GABPA: variants seen among roughly 807,000 people sequenced by gnomAD.
The protein encoded by GABPA is GA-binding protein alpha chain.
GABPA carries 4 observed loss-of-function variants against 59.4 expected under a neutral mutation model. The observed-to-expected ratio is 0.07, with a 90% CI of 0.03 to 0.15. The LOEUF (loss-of-function observed/expected upper bound fraction) is 0.15, where lower values mean the gene tolerates loss of function less well. GABPA is among the 10% of genes least tolerant of loss of function. The probability of loss-of-function intolerance (pLI) is 1.00; values close to 1 mark genes in which losing one functional copy is unlikely to be tolerated. For missense variants in GABPA, 251 were observed against 543.8 expected, an observed-to-expected ratio of 0.46 and a Z score of 5.36; for synonymous variants, 164 against 183.1, an observed-to-expected ratio of 0.90 and a Z score of 0.84.
chr21:25,747,279 G>A (rs911979771), intron 3 of GABPA, among the ~76,000 whole-genome samples: 15 of 152,140 alleles, frequency 9.9e-5, no homozygotes, highest in African/African-American at 3.1e-4. Context: ...GTAAAATAAA[G>A]GAGAATCTGG....
At position 25,769,103 on chromosome 21, in the gene GABPA, G is replaced by A. The variant is rs563533466; in HGVS notation, c.1236G>A (p.Ala412=). ...AGACTCTTATTGGATACAGTGCAGCGGAGTTGAACCGTTTGGTCACAGAAT... is the reference window on the plus strand; with the variant it reads ...AGACTCTTATTGGATACAGTGCAGCAGAGTTGAACCGTTTGGTCACAGAAT... ...DLKTLIGYSA[A]ELNRLVTECE... Residue 412 remains alanine, a synonymous_variant, in exon 10 of 10, where the codon GCG becomes GCA. Coordinates refer to ENST00000400075, the MANE Select transcript of GABPA (RefSeq NM_002040.4). The A allele has an allele frequency of 2.7e-5, 43 of 1,613,288 alleles. No individual in the cohort carries two copies. The Admixed American group carries it at 2.7e-4, about 10-fold the overall frequency.
intron 9 of GABPA, among the ~76,000 whole-genome samples, chr21:25,766,040 G>A (rs573088744): frequency 7.9e-5 from 12 of 152,050 alleles, no homozygotes; most frequent in Admixed American, 7.2e-4. Flanking sequence ...TGACTCTAAA[G>A]TTACAGTAAT....
At chr21:25,749,596 C>CT (rs1366690895) in intron 4 of GABPA, among the ~76,000 whole-genome samples, 1 of 152,206 alleles carries the variant, frequency 6.6e-6, no homozygotes, top group Admixed American at 6.5e-5. Flanking sequence ...CTTTGGGAGG[C>CT]TGAGGTGGGC....
intron 7 of GABPA, among the ~76,000 whole-genome samples, chr21:25,763,838 A>G (rs752108398): frequency 2.6e-5 from 4 of 152,140 alleles, no homozygotes; most frequent in Non-Finnish European, 4.4e-5. Context: ...CAGATTCTCA[A>G]AGTGGTGGTG....
rs1024081271 is a variant in GABPA, at chr21:25,770,017, A to T, written c.*785A>T. The T allele has an allele frequency of 3.3e-5, 5 of 152,720 alleles. 1 individual carries two copies. The highest frequency in any genetic ancestry group is 7.2e-5 in the African/African-American group (3 of 41,586). 9.5% of individuals were successfully genotyped at this position (152,720 alleles called of 1,614,324 possible). On this transcript the variant is annotated 3_prime_UTR_variant, in exon 10 of 10. Transcript: ENST00000400075. ...TCTCTGTTTTTCCTGTCAGAGATTT[A>T]AAAAACTGAAAAGGTATACCTCAAC...
intron 9 of GABPA, among the ~76,000 whole-genome samples, chr21:25,766,169 T>C (rs908303610): frequency 1.3e-5 from 2 of 151,944 alleles, no homozygotes; most frequent in Non-Finnish European, 2.9e-5. Context: ...AGAAAACATA[T>C]GAGGAAACGA....
At chr21:25,767,316 C>T (rs984924261) in intron 9 of GABPA, among the ~76,000 whole-genome samples, 2 of 151,326 alleles carry the variant, frequency 1.3e-5, no homozygotes, top group Non-Finnish European at 3.0e-5. Flanking sequence ...CTTCTGTGTC[C>T]TTTTGTTTGT....
At chr21:25,744,110 G>A (rs1215383015) in intron 2 of GABPA, among the ~76,000 whole-genome samples, 3 of 145,748 alleles carry the variant, frequency 2.1e-5, no homozygotes, top group Admixed American at 6.8e-5. Flanking sequence ...CTTACTTAAA[G>A]TTTTTTTTTA....
At chr21:25,748,002 G>A (rs908942770) in intron 3 of GABPA, among the ~76,000 whole-genome samples, 3 of 152,228 alleles carry the variant, frequency 2.0e-5, no homozygotes, top group Non-Finnish European at 4.4e-5. Context: ...CGCCTACCGG[G>A]TCTAAGCAAT....
At chr21:25,743,435 A>G (rs1043925076) in intron 2 of GABPA, among the ~76,000 whole-genome samples, 2 of 152,300 alleles carry the variant, frequency 1.3e-5, no homozygotes, top group African/African-American at 4.8e-5. Context: ...AGTCTAAAGT[A>G]TGTACTATCT....
chr21:25,766,325 A>G (rs902596927), intron 9 of GABPA, among the ~76,000 whole-genome samples: 1 of 152,062 alleles, frequency 6.6e-6, no homozygotes, highest in Non-Finnish European at 1.5e-5. Context: ...AAAAGGATCT[A>G]GAAATACTTT....
At chr21:25,736,045 C>T (rs1018390599) in intron 1 of GABPA, among the ~76,000 whole-genome samples, 1 of 152,132 alleles carries the variant, frequency 6.6e-6, no homozygotes, top group Non-Finnish European at 1.5e-5. Flanking sequence ...ACAACACACA[C>T]CAGAATCATT....
At chr21:25,751,006 T>C (rs2035495548) in intron 4 of GABPA, among the ~76,000 whole-genome samples, 1 of 152,172 alleles carries the variant, frequency 6.6e-6, no homozygotes. Context: ...GAGTTGTGCT[T>C]TTTCTTTAAG....
chr21:25,750,294 C>T (rs1279121271), intron 4 of GABPA, among the ~76,000 whole-genome samples: 1 of 152,192 alleles, frequency 6.6e-6, no homozygotes, highest in Non-Finnish European at 1.5e-5. Context: ...TTTATCCACT[C>T]GCCTGCCAGT....
intron 1 of GABPA, among the ~76,000 whole-genome samples, chr21:25,736,931 T>G (rs2035084521): frequency 6.6e-6 from 1 of 152,244 alleles, no homozygotes; most frequent in African/African-American, 2.4e-5. Flanking sequence ...AAATGTGCAG[T>G]TAATCTCGCA....
intron 9 of GABPA, among the ~76,000 whole-genome samples, chr21:25,765,284 C>T (rs1343510333): frequency 6.6e-6 from 1 of 152,002 alleles, no homozygotes; most frequent in African/African-American, 2.4e-5. Context: ...GGAAATTCAA[C>T]AGGTACATTT....
At chr21:25,738,228 C>G (rs918014858) in intron 1 of GABPA, among the ~76,000 whole-genome samples, 1 of 152,198 alleles carries the variant, frequency 6.6e-6, no homozygotes, top group African/African-American at 2.4e-5. Context: ...GCCGCCGCCC[C>G]CTGCCCCCAA....
At position 25,745,254 on chromosome 21, in the gene GABPA, C is replaced by T. The variant is rs1212542201; in HGVS notation, c.122C>T (p.Ala41Val). ...TYAPAECVSQAIDINEPIGNL... is the reference protein window; with the variant it reads ...TYAPAECVSQVIDINEPIGNL... ...GCGCCAGCTGAATGTGTAAGCCAGG[C>T]CATAGACATCAATGAACCAATAGGC... is the stretch of plus-strand genomic sequence containing the variant. Residue 41 changes from alanine to valine, a missense_variant, in exon 3 of 10, where the codon GCC becomes GTC. Physicochemically the swap from Ala to Val is moderately conservative, Grantham distance 64. This residue lies in a region of GABPA where 207 missense variants were observed against 366.7 expected (regional missense o/e 0.56). Transcript: ENST00000400075. 1 of 1,613,738 alleles carries T rather than the reference C, an allele frequency of 6.2e-7. No homozygotes were observed. The highest frequency in any genetic ancestry group is 8.5e-7 in the Non-Finnish European group (1 of 1,179,748).
chr21:25,758,337 A>C, intron 6 of GABPA, 133 bp downstream of exon 6: 1 of 626,122 alleles, frequency 1.6e-6, no homozygotes, highest in Non-Finnish European at 2.7e-6. Context: ...TATTTACTGT[A>C]TAATGCTATG....
Sources: allele counts gnomAD v4.1 joint callset (sites outside exome capture counted in the v4.1 genomes callset), GRCh38; gene constraint gnomAD v4.1.1; regional missense constraint gnomAD v4.1.1; transcripts MANE v1.5; gene names NCBI Gene and HGNC (gene_info 2026-07-23, HGNC 2026-07-21).